MAGI1: variants seen among roughly 807,000 people sequenced by gnomAD.
MAGI1 encodes membrane associated guanylate kinase, WW and PDZ domain containing 1.
Under a neutral mutation model 139.9 loss-of-function variants are expected in MAGI1, and 58 were observed. The observed-to-expected ratio is 0.41, with a 90% CI of 0.34 to 0.52. MAGI1 has a LOEUF of 0.52. Ranked by LOEUF, MAGI1 falls within the 20% of genes least tolerant of loss-of-function variation. The pLI, the probability that MAGI1 is intolerant of heterozygous loss-of-function variation, is 0.12. For missense variants in MAGI1, 1,874 were observed against 1,901.6 expected (o/e 0.99, Z 0.27); for synonymous variants, 812 against 737.9 (o/e 1.10, Z -1.63).
At position 65,391,182 on chromosome 3, in the gene MAGI1, A is replaced by C; in HGVS notation, c.2376T>G (p.Phe792Leu). The change falls in exon 14 of 23, where the codon TTT (phenylalanine) becomes TTG (leucine). Residue 792 changes from phenylalanine to leucine, a missense_variant. Physicochemically the swap from Phe to Leu is conservative, Grantham distance 22 (BLOSUM62 0). This residue lies in a region of MAGI1 where 482 missense variants were observed against 509.6 expected (regional missense o/e 0.95). Coordinates refer to ENST00000402939, the MANE Select transcript of MAGI1 (RefSeq NM_001033057.2). Reference protein sequence around the residue: ...DSSGQKKPDPFKIWAQSRSMY... With the variant: ...DSSGQKKPDPLKIWAQSRSMY... ...TGCTCCTGGACTGGGCCCAGATTTT[A>C]AAAGGATCTGGTTTTTTCTGGCCAG... 6.2e-7 allele frequency: 1 copy of C among 1,614,162 alleles called. No individual in the cohort carries two copies. Among genetic ancestry groups the C allele is most frequent in the Non-Finnish European group, 8.5e-7 (1 of 1,180,042 alleles).
At chr3:65,818,840 T>C (rs1472247384) in intron 1 of MAGI1, among the ~76,000 whole-genome samples, 1 of 152,178 alleles carries the variant, frequency 6.6e-6, no homozygotes, top group African/African-American at 2.4e-5. Flanking sequence ...GAAGCCAGAA[T>C]GCAGAAGACT....
chr3:65,827,239 C>T (rs1017448939), intron 1 of MAGI1, among the ~76,000 whole-genome samples: 7 of 152,204 alleles, frequency 4.6e-5, no homozygotes, highest in African/African-American at 1.7e-4. Flanking sequence ...AACAAAACAG[C>T]AACATTCATG....
chr3:65,373,564 G>C (rs886368243), intron 18 of MAGI1, among the ~76,000 whole-genome samples: 4 of 152,164 alleles, frequency 2.6e-5, no homozygotes, highest in Admixed American at 6.5e-5. Flanking sequence ...CCTTCAATTT[G>C]TACAAAATGA....
chr3:65,687,753 T>C (rs1418582669), intron 1 of MAGI1: 3 of 554,868 alleles, frequency 5.4e-6, no homozygotes, highest in Non-Finnish European at 1.1e-5. Flanking sequence ...AGGATCCTTC[T>C]GAAGTTTTGA....
chr3:65,785,619 C>T (rs147659407), intron 1 of MAGI1, among the ~76,000 whole-genome samples: 2,659 of 152,186 alleles, frequency 0.017, 92 homozygotes, highest in East Asian at 0.099. Context: ...GTTATAAATA[C>T]GTGGTCTCTG....
At chr3:65,585,774 T>C (rs1019854913) in intron 2 of MAGI1, among the ~76,000 whole-genome samples, 1 of 152,212 alleles carries the variant, frequency 6.6e-6, no homozygotes, top group African/African-American at 2.4e-5. Context: ...CTTTGAAGTC[T>C]CCTTTAGCAA....
intron 1 of MAGI1, among the ~76,000 whole-genome samples, chr3:65,650,513 T>C (rs1430291678): frequency 6.6e-6 from 1 of 152,202 alleles, no homozygotes; most frequent in African/African-American, 2.4e-5. Flanking sequence ...GGAATTATAC[T>C]GAATGAGAAA....
At chr3:65,741,727 T>G (rs2035291347) in intron 1 of MAGI1, among the ~76,000 whole-genome samples, 1 of 152,176 alleles carries the variant, frequency 6.6e-6, no homozygotes, top group Non-Finnish European at 1.5e-5. Flanking sequence ...GAATATACCC[T>G]AGGATCACAA....
At chr3:65,937,269 A>T (rs1238586522) in intron 1 of MAGI1, among the ~76,000 whole-genome samples, 1 of 130,416 alleles carries the variant, frequency 7.7e-6, no homozygotes, top group East Asian at 3.0e-4. Context: ...CTTGCAGCCT[A>T]TTTGCAGACC....
chr3:65,512,909 A>T (rs1300473953), intron 2 of MAGI1, among the ~76,000 whole-genome samples: 1 of 150,952 alleles, frequency 6.6e-6, no homozygotes, highest in Non-Finnish European at 1.5e-5. Context: ...AATCCTCAAT[A>T]AAATACTGGC....
intron 3 of MAGI1, among the ~76,000 whole-genome samples, chr3:65,480,860 T>A (rs71306765): frequency 6.6e-6 from 1 of 152,232 alleles, no homozygotes; most frequent in South Asian, 2.1e-4. Context: ...AATGCTGGGA[T>A]TACAGGCATG....
intron 1 of MAGI1, among the ~76,000 whole-genome samples, chr3:65,678,993 A>T (rs2087386737): frequency 6.6e-6 from 1 of 152,154 alleles, no homozygotes; most frequent in Non-Finnish European, 1.5e-5. Flanking sequence ...TAGTGACAGA[A>T]TCCTTTTTTA....
At chr3:65,515,165 G>A (rs1168476117) in intron 2 of MAGI1, among the ~76,000 whole-genome samples, 3 of 115,854 alleles carry the variant, frequency 2.6e-5, no homozygotes, top group Non-Finnish European at 3.5e-5. Flanking sequence ...GTGGTGGGGT[G>A]GGGGGAGGGG....
chr3:65,724,869 A>G (rs973852492), intron 1 of MAGI1, among the ~76,000 whole-genome samples: 27 of 152,230 alleles, frequency 1.8e-4, no homozygotes, highest in African/African-American at 3.4e-4. Flanking sequence ...TGAGAACCAC[A>G]TGGCCAAAAT....
chr3:65,996,767 C>T (rs1039372392), intron 1 of MAGI1, among the ~76,000 whole-genome samples: 2 of 152,176 alleles, frequency 1.3e-5, no homozygotes, highest in East Asian at 1.9e-4. Context: ...ATCGGAGGGC[C>T]GGGCACTCAC....
chr3:65,598,790 T>C (rs529102219), intron 2 of MAGI1, among the ~76,000 whole-genome samples: 28 of 152,168 alleles, frequency 1.8e-4, no homozygotes, highest in Non-Finnish European at 3.2e-4. Flanking sequence ...CTTTAAAAGA[T>C]TCTCTAAGAG....
At chr3:65,613,731 G>A (rs953037626) in intron 2 of MAGI1, among the ~76,000 whole-genome samples, 5 of 152,122 alleles carry the variant, frequency 3.3e-5, no homozygotes, top group African/African-American at 1.2e-4. Flanking sequence ...GCCTATTATT[G>A]GCTAAATCAT....
At chr3:65,508,220 G>A (rs980713877) in intron 2 of MAGI1, among the ~76,000 whole-genome samples, 7 of 152,022 alleles carry the variant, frequency 4.6e-5, no homozygotes, top group Non-Finnish European at 8.8e-5. Flanking sequence ...TGGCTAACAC[G>A]GTGAAACCCC....
chr3:65,845,347 G>C (rs1009348189), intron 1 of MAGI1, among the ~76,000 whole-genome samples: 1 of 152,024 alleles, frequency 6.6e-6, no homozygotes, highest in Non-Finnish European at 1.5e-5. Flanking sequence ...TGGGCCCCTG[G>C]AGTAACGCTG....
Sources: gnomAD v4.1 joint callset for allele counts (sites outside exome capture counted in the v4.1 genomes callset) on GRCh38, gnomAD v4.1.1 for gene constraint, gnomAD v4.1.1 regional missense constraint, MANE v1.5 for transcripts, NCBI Gene and HGNC (gene_info 2026-07-23, HGNC 2026-07-21) for gene names.